TMEM131: variants seen among roughly 807,000 people sequenced by gnomAD.
The protein encoded by TMEM131 is 2610524E03Rik.
Under a neutral mutation model 211.6 loss-of-function variants are expected in TMEM131, and 66 were observed. That is an observed-to-expected ratio of 0.31 (90% CI 0.26 to 0.38). TMEM131 has a LOEUF of 0.38. Ranked by LOEUF, TMEM131 falls within the 10% of genes least tolerant of loss-of-function variation. TMEM131 has a pLI of 1.00. For missense variants in TMEM131, 2,036 were observed against 2,299.3 expected (o/e 0.89, Z 2.34); for synonymous variants, 844 against 841.3 (o/e 1.00, Z -0.06).
intron 3 of TMEM131, among the ~76,000 whole-genome samples, chr2:97,895,296 A>G (rs1675559739): frequency 6.6e-6 from 1 of 152,192 alleles, no homozygotes; most frequent in Non-Finnish European, 1.5e-5. Context: ...GGCTTCTCGC[A>G]TCGATGTTCA....
At chr2:97,895,679 A>C (rs1347932134) in intron 3 of TMEM131, among the ~76,000 whole-genome samples, 1 of 152,084 alleles carries the variant, frequency 6.6e-6, no homozygotes, top group Non-Finnish European at 1.5e-5. Context: ...GTATTCTCTG[A>C]TGGTAGTTTT....
rs756389842 is a variant in TMEM131, at chr2:97,811,150, A to T, written c.1946T>A (p.Ile649Asn). ...TACCTCATAGTCTGTTGTGATCTGG[A>T]TGGCTCCATCATGAATCCCCTCTAA... is the stretch of plus-strand genomic sequence containing the variant. The part of the protein sequence containing the change: ...KKLEGIHDGA[I>N]QITTDYEILT... Residue 649 changes from isoleucine to asparagine, a missense_variant, in exon 18 of 41, where the codon ATC (isoleucine) becomes AAC (asparagine). Coordinates refer to ENST00000186436, the MANE Select transcript of TMEM131 (RefSeq NM_015348.2). 1.9e-6 allele frequency: 3 copies of T among 1,613,546 alleles called. No homozygotes were observed. The East Asian group carries it at 6.7e-5, about 36-fold the overall frequency.
rs145825688 is a variant in TMEM131, at chr2:97,908,671, A to G, written c.277T>C (p.Tyr93His). Residue 93 changes from tyrosine to histidine, a missense_variant, in exon 3 of 41, where the codon TAT becomes CAT. Around this residue, in one of 3 missense-constraint regions of TMEM131, gnomAD observed 277 missense variants for 378.0 expected, o/e 0.73. Coordinates refer to ENST00000186436, the MANE Select transcript of TMEM131 (RefSeq NM_015348.2). ...AAATATACTTACCTTTTCTGCTGATATGAACTGAGTCCAAGTGTTGTCTCG... is the reference window on the plus strand; with the variant it reads ...AAATATACTTACCTTTTCTGCTGATGTGAACTGAGTCCAAGTGTTGTCTCG... ...QTETTLGLSS[Y>H]QQKSISLYRG... 1.5e-5 allele frequency: 24 copies of G among 1,606,614 alleles called. 1 individual carries two copies. The highest frequency in any genetic ancestry group is 8.4e-5 in the Admixed American group (5 of 59,794).
intron 4 of TMEM131, among the ~76,000 whole-genome samples, chr2:97,882,486 C>A (rs1674975597): frequency 1.3e-5 from 2 of 152,198 alleles, no homozygotes; most frequent in African/African-American, 4.8e-5. Flanking sequence ...TCAAAGAAAG[C>A]TTAGGCCCTG....
chr2:97,925,466 CTT>C (rs1676943204), intron 2 of TMEM131, among the ~76,000 whole-genome samples: 2 of 152,156 alleles, frequency 1.3e-5, no homozygotes, highest in South Asian at 4.1e-4. Flanking sequence ...GATGCTAAAT[CTT>C]AGTCCAGCCA....
intron 1 of TMEM131, among the ~76,000 whole-genome samples, chr2:97,957,509 A>G (rs1459086088): frequency 6.6e-6 from 1 of 152,162 alleles, no homozygotes; most frequent in Admixed American, 6.6e-5. Context: ...TTTGGTGCTG[A>G]CCACTGACTA....
rs114050353 is a variant in TMEM131 at position 97,863,454 on chromosome 2, G to C, written c.360-4027C>G. Among the ~76,000 whole-genome samples the C allele has an allele frequency of 8.6e-4, 131 of 152,252 alleles. 1 individual carries two copies. The highest frequency in any genetic ancestry group is 3.1e-3 in the African/African-American group (128 of 41,550). ...CAAAGGAAACAATCAACAAAGTTAA[G>C]AGACAGCTCACAGAATGGGAGGAAA... On this transcript the variant is annotated intron_variant, in intron 4 of 40. Coordinates refer to ENST00000186436, the MANE Select transcript of TMEM131 (RefSeq NM_015348.2).
At chr2:97,947,371 G>T (rs1201692929) in intron 1 of TMEM131, among the ~76,000 whole-genome samples, 1 of 151,990 alleles carries the variant, frequency 6.6e-6, no homozygotes, top group Non-Finnish European at 1.5e-5. Flanking sequence ...AATTTTTACA[G>T]GTGATACAGG....
At chr2:97,861,861 T>G (rs1004756781) in intron 4 of TMEM131, among the ~76,000 whole-genome samples, 5 of 151,808 alleles carry the variant, frequency 3.3e-5, no homozygotes, top group Admixed American at 2.6e-4. Flanking sequence ...GATTTTAGAG[T>G]CCTAGGGCCT....
chr2:97,816,980 G>C (rs895227994), intron 12 of TMEM131, among the ~76,000 whole-genome samples: 4 of 152,182 alleles, frequency 2.6e-5, no homozygotes, highest in Non-Finnish European at 4.4e-5. Flanking sequence ...TGGGAGAGGT[G>C]AATGGTGGGG....
chr2:97,936,420 G>A (rs1214743060), intron 1 of TMEM131, among the ~76,000 whole-genome samples: 1 of 152,206 alleles, frequency 6.6e-6, no homozygotes, highest in Non-Finnish European at 1.5e-5. Flanking sequence ...GTAAACAGGA[G>A]GGGAAGGCTA....
At chr2:97,924,887 T>C (rs775368511) in intron 2 of TMEM131, among the ~76,000 whole-genome samples, 19 of 152,128 alleles carry the variant, frequency 1.2e-4, no homozygotes, top group Non-Finnish European at 7.4e-5. Flanking sequence ...GAACACTTTT[T>C]TGTAGTTGTT....
chr2:97,862,968 A>T (rs1376631765), intron 4 of TMEM131, among the ~76,000 whole-genome samples: 1 of 152,170 alleles, frequency 6.6e-6, no homozygotes, highest in Non-Finnish European at 1.5e-5. Flanking sequence ...GGATAAAGAA[A>T]GGATCCTAAA....
chr2:97,805,553 T>C lies in TMEM131; in HGVS notation c.2206A>G (p.Lys736Glu), dbSNP rs1333983117. The C allele has an allele frequency of 2.5e-6, 4 of 1,607,732 alleles. No individual in the cohort carries two copies. The highest frequency in any genetic ancestry group is 1.1e-5 in the South Asian group (1 of 90,512). ...TCTCAAATATAATATCTTCAAACCTTTGATTTTTTTCCTGGCTCCAAGTCT... is the reference window on the plus strand; with the variant it reads ...TCTCAAATATAATATCTTCAAACCTCTGATTTTTTTCCTGGCTCCAAGTCT... The part of the protein sequence containing the change: ...KEDLEPGKKS[K>E]IANIYFDPGL... The change falls in exon 20 of 41, where the codon AAG (lysine) becomes GAG (glutamate). Residue 736 changes from lysine to glutamate, a missense_variant and splice_region_variant. Physicochemically the swap from Lys to Glu is moderately conservative, Grantham distance 56. Coordinates refer to ENST00000186436, the MANE Select transcript of TMEM131 (RefSeq NM_015348.2).
chr2:97,903,092 A>G (rs1675925743), intron 3 of TMEM131, among the ~76,000 whole-genome samples: 1 of 152,206 alleles, frequency 6.6e-6, no homozygotes, highest in Non-Finnish European at 1.5e-5. Flanking sequence ...CACATGGCAC[A>G]TAAAGATTAA....
chr2:97,988,230 T>C (rs1238688765), intron 1 of TMEM131, among the ~76,000 whole-genome samples: 1 of 152,194 alleles, frequency 6.6e-6, no homozygotes, highest in Non-Finnish European at 1.5e-5. Context: ...CTTCAACAAA[T>C]GGAACTGGAG....
intron 1 of TMEM131, among the ~76,000 whole-genome samples, chr2:97,972,308 T>C (rs1263913114): frequency 6.6e-6 from 1 of 151,830 alleles, no homozygotes; most frequent in Non-Finnish European, 1.5e-5. Flanking sequence ...AACTGAACAA[T>C]GTTCCAGGCC....
intron 1 of TMEM131, among the ~76,000 whole-genome samples, chr2:97,936,942 TAAG>T (rs1434917228): frequency 1.3e-5 from 2 of 151,922 alleles, no homozygotes; most frequent in African/African-American, 4.8e-5. Context: ...TGGAGAATAT[TAAG>T]AAGAGAAAGA....
At chr2:97,934,345 T>C (rs936777596) in intron 1 of TMEM131, among the ~76,000 whole-genome samples, 2 of 152,146 alleles carry the variant, frequency 1.3e-5, no homozygotes, top group South Asian at 4.1e-4. Flanking sequence ...TACTGAAATA[T>C]ACAAAATGCT....
Sources: gnomAD v4.1 joint callset for allele counts (sites outside exome capture counted in the v4.1 genomes callset) on GRCh38, gnomAD v4.1.1 for gene constraint, gnomAD v4.1.1 regional missense constraint, MANE v1.5 for transcripts, NCBI Gene and HGNC (gene_info 2026-07-23, HGNC 2026-07-21) for gene names.